The following ZFHX3 variants were observed in gnomAD, a reference collection of about 807,000 sequenced individuals.
ZFHX3 encodes zinc finger homeobox 3, also known as zinc finger homeobox protein 3.
A neutral mutation model predicts 279.1 loss-of-function variants in ZFHX3; 42 were observed. That is an observed-to-expected ratio of 0.15 (90% confidence interval 0.12 to 0.19). The LOEUF (loss-of-function observed/expected upper bound fraction) is 0.19. Among genes scored for constraint, ZFHX3 ranks in the 10% least tolerant of loss-of-function variants. ZFHX3 has a pLI of 1.00. For synonymous variants in ZFHX3, 2,293 were observed against 1,957.8 expected (o/e 1.17, Z -4.52); for missense variants, 4,981 against 4,754.0 (o/e 1.05, Z -1.40).
intron 3 of ZFHX3, among the ~76,000 whole-genome samples, chr16:72,939,290 C>T (rs915527720): frequency 7.2e-5 from 11 of 152,106 alleles, no homozygotes; most frequent in African/African-American, 2.2e-4. Context: ...CAAAAACATC[C>T]GATGCTGCTC....
chr16:73,780,575 T>C (rs1959435477), intron 1 of ZFHX3, among the ~76,000 whole-genome samples: 1 of 150,624 alleles, frequency 6.6e-6, no homozygotes, highest in Non-Finnish European at 1.5e-5. Context: ...CCCAAGGAGC[T>C]GGATTACAGG....
At chr16:72,839,903 G>A (rs1028423671) in intron 4 of ZFHX3, among the ~76,000 whole-genome samples, 5 of 152,156 alleles carry the variant, frequency 3.3e-5, no homozygotes, top group African/African-American at 1.2e-4. Context: ...CCAGGTGTGA[G>A]GCTGAGCAGT....
chr16:73,742,003 C>A (rs1427161808), intron 1 of ZFHX3, among the ~76,000 whole-genome samples: 1 of 152,188 alleles, frequency 6.6e-6, no homozygotes, highest in Non-Finnish European at 1.5e-5. Context: ...GCTATTGCTC[C>A]TAGTGACATT....
intron 4 of ZFHX3, among the ~76,000 whole-genome samples, chr16:73,257,378 A>G (rs2013689464): frequency 6.6e-6 from 1 of 152,190 alleles, no homozygotes; most frequent in African/African-American, 2.4e-5. Flanking sequence ...GACAAGGGCC[A>G]TTGGAAGATT....
At chr16:72,914,512 G>C (rs1438976831) in intron 3 of ZFHX3, among the ~76,000 whole-genome samples, 1 of 152,170 alleles carries the variant, frequency 6.6e-6, no homozygotes, top group Non-Finnish European at 1.5e-5. Flanking sequence ...AGGCAGACTT[G>C]GGGGAGAAAC....
At chr16:73,360,532 T>C (rs1010880603) in intron 3 of ZFHX3, among the ~76,000 whole-genome samples, 5 of 152,146 alleles carry the variant, frequency 3.3e-5, no homozygotes, top group African/African-American at 1.2e-4. Context: ...AGAGACAGGG[T>C]TTCGCCATGT....
chr16:73,264,300 A>G (rs2013904944), intron 4 of ZFHX3, among the ~76,000 whole-genome samples: 2 of 152,050 alleles, frequency 1.3e-5, no homozygotes, highest in African/African-American at 2.4e-5. Context: ...CCCTCAAGGT[A>G]TCCGTATTCA....
chr16:72,905,028 C>T (rs554475578), intron 3 of ZFHX3, among the ~76,000 whole-genome samples: 2 of 152,122 alleles, frequency 1.3e-5, no homozygotes, highest in South Asian at 4.2e-4. Context: ...TTGGTAGAGA[C>T]GGGGTTTCAT....
chr16:73,135,861 C>CTT (rs71391493), intron 6 of ZFHX3, among the ~76,000 whole-genome samples: 28,858 of 143,506 alleles, frequency 0.2, 3,012 homozygotes, highest in South Asian at 0.3. Context: ...TATTTATATT[C>CTT]TTTTTTTTTT....
chr16:73,739,706 C>G (rs1005318056), intron 1 of ZFHX3, among the ~76,000 whole-genome samples: 2 of 152,138 alleles, frequency 1.3e-5, no homozygotes, highest in Non-Finnish European at 2.9e-5. Flanking sequence ...CACAGTTACC[C>G]CAGTTATCCT....
At position 73,588,945 on chromosome 16, in the gene ZFHX3, G is replaced by T. The variant is rs144475908; in HGVS notation, c.-1547+91235C>A. ...TAGAACACAAGAGAGCCCAGAGTCT[G>T]GTTCAAATAAAATTGATTTTAAAAA... On this transcript the variant is annotated intron_variant, in intron 2 of 17. Coordinates refer to the ZFHX3 transcript ENST00000641206. 3.3e-5 allele frequency among the ~76,000 whole-genome samples: 5 copies of T among 151,788 alleles called. No individual in the cohort carries two copies. In the East Asian group the frequency reaches 9.8e-4, roughly 30 times the overall value.
chr16:73,036,190 G>T (rs1260856918), intron 1 of ZFHX3, among the ~76,000 whole-genome samples: 9 of 152,324 alleles, frequency 5.9e-5, no homozygotes, highest in East Asian at 5.8e-4. Context: ...GCTGCGGGAG[G>T]AAGGTGCAGG....
chr16:73,540,313 T>C lies in ZFHX3; in HGVS notation c.-1546-84055A>G, dbSNP rs180819776. 5.3e-5 allele frequency among the ~76,000 whole-genome samples: 8 copies of C among 152,356 alleles called. No homozygotes were observed. In the East Asian group the frequency reaches 1.2e-3, roughly 22 times the overall value. ...CTCCTGCTTTCACGTGAAACTCTTT[T>C]TTTGTTTTCCAAATAGTTAAAGTCA... On this transcript the variant is annotated intron_variant, in intron 2 of 17. Transcript: ENST00000641206.
At chr16:72,971,932 T>C (rs1384246299) in intron 1 of ZFHX3, among the ~76,000 whole-genome samples, 2 of 142,744 alleles carry the variant, frequency 1.4e-5, no homozygotes, top group African/African-American at 5.3e-5. Context: ...GCTGCCCAGG[T>C]TGGAGTACAA....
intron 1 of ZFHX3, among the ~76,000 whole-genome samples, chr16:73,883,976 C>G (rs552554829): frequency 6.6e-6 from 1 of 152,082 alleles, no homozygotes; most frequent in East Asian, 1.9e-4. Context: ...ATCAAGTTCC[C>G]TTCTTTTTCT....
chr16:73,619,971 A>C (rs930880614), intron 2 of ZFHX3, among the ~76,000 whole-genome samples: 1 of 152,126 alleles, frequency 6.6e-6, no homozygotes, highest in African/African-American at 2.4e-5. Flanking sequence ...CTTTTTCTTT[A>C]AGAGTGGGGG....
intron 8 of ZFHX3, among the ~76,000 whole-genome samples, chr16:73,079,389 G>A (rs575569850): frequency 2.6e-5 from 4 of 152,212 alleles, no homozygotes; most frequent in Non-Finnish European, 5.9e-5. Flanking sequence ...GATAGGAATG[G>A]TGGCACATGC....
chr16:73,187,243 CCTTT>C (rs1967934037), intron 5 of ZFHX3, among the ~76,000 whole-genome samples: 1 of 151,866 alleles, frequency 6.6e-6, no homozygotes, highest in Non-Finnish European at 1.5e-5. Flanking sequence ...AGCATTTCTT[CCTTT>C]CTTTCTCTTA....
chr16:73,431,026 G>A (rs575698432), intron 3 of ZFHX3, among the ~76,000 whole-genome samples: 1 of 152,296 alleles, frequency 6.6e-6, no homozygotes, highest in Non-Finnish European at 1.5e-5. Context: ...ATGGAAATTT[G>A]AAGCAAGTTT....
Sources: gnomAD v4.1 joint callset for allele counts (sites outside exome capture counted in the v4.1 genomes callset) on GRCh38, gnomAD v4.1.1 for gene constraint, MANE v1.5 for transcripts, NCBI Gene and HGNC (gene_info 2026-07-23, HGNC 2026-07-21) for gene names.